FAM168A: variants seen among roughly 807,000 people sequenced by gnomAD.
FAM168A encodes the protein protein FAM168A.
A neutral mutation model predicts 28.5 loss-of-function variants in FAM168A; 3 were observed. The observed-to-expected ratio is 0.11, with a 90% confidence interval of 0.05 to 0.27. The LOEUF is 0.27. FAM168A is among the 10% of genes least tolerant of loss of function. The pLI, the probability that FAM168A is intolerant of heterozygous loss-of-function variation, is 1.00. For missense variants in FAM168A, 222 were observed against 311.5 expected (o/e 0.71, Z 2.16); for synonymous variants, 122 against 124.2 (o/e 0.98, Z 0.12).
chr11:73,518,508 C>T lies in FAM168A; in HGVS notation c.-18-50016G>A, dbSNP rs1943333426. Among the ~76,000 whole-genome samples, 3 of 151,616 alleles carry T rather than the reference C, an allele frequency of 2.0e-5. No individual in the cohort carries two copies. The South Asian group carries it at 6.2e-4, about 32-fold the overall frequency. ...GTGGGAGGTATGTAGGTCATGGAGG[C>T]AGATCCCTCATAAATAGATTAATGT... On this transcript the variant is annotated intron_variant, in intron 1 of 7. Coordinates refer to ENST00000356467, the MANE Select transcript of FAM168A (RefSeq NM_015159.3).
chr11:73,513,344 G>A (rs1190964715), intron 1 of FAM168A, among the ~76,000 whole-genome samples: 1 of 150,902 alleles, frequency 6.6e-6, no homozygotes, highest in Non-Finnish European at 1.5e-5. Context: ...CGAGTAGCTG[G>A]GACTACAGGC....
intron 1 of FAM168A, among the ~76,000 whole-genome samples, chr11:73,522,145 T>C (rs370882141): frequency 1.3e-5 from 2 of 152,004 alleles, no homozygotes; most frequent in East Asian, 3.8e-4. Context: ...AGCAATCAAC[T>C]TTTAAATTGA....
At chr11:73,514,607 G>T (rs1220021047) in intron 1 of FAM168A, among the ~76,000 whole-genome samples, 1 of 151,938 alleles carries the variant, frequency 6.6e-6, no homozygotes, top group Non-Finnish European at 1.5e-5. Context: ...CAAAGCAGGT[G>T]GATCACTTGA....
At chr11:73,550,096 G>C (rs1047324847) in intron 1 of FAM168A, among the ~76,000 whole-genome samples, 1 of 152,186 alleles carries the variant, frequency 6.6e-6, no homozygotes, top group South Asian at 2.1e-4. Flanking sequence ...CATATCCTCA[G>C]AATGCTCTTT....
chr11:73,422,236 G>A (rs543290760), intron 3 of FAM168A, among the ~76,000 whole-genome samples: 3 of 152,302 alleles, frequency 2.0e-5, no homozygotes, highest in East Asian at 1.9e-4. Flanking sequence ...AAGCAAGTGC[G>A]ACTGTGCCTT....
intron 1 of FAM168A, among the ~76,000 whole-genome samples, chr11:73,596,730 A>G (rs1443256737): frequency 6.6e-6 from 1 of 151,130 alleles, no homozygotes; most frequent in Non-Finnish European, 1.5e-5. Flanking sequence ...ATCCAACCCA[A>G]TTCCCCCCTG....
chr11:73,596,791 C>T (rs1362587032), intron 1 of FAM168A, among the ~76,000 whole-genome samples: 2 of 152,132 alleles, frequency 1.3e-5, no homozygotes, highest in African/African-American at 4.8e-5. Context: ...CCCATCCATA[C>T]CAACAGCTCC....
At chr11:73,571,243 C>CCCCCCCCCCCCCCCCCCCCCCT (rs1410610985) in intron 1 of FAM168A, among the ~76,000 whole-genome samples, 1 of 112,630 alleles carries the variant, frequency 8.9e-6, no homozygotes, top group Non-Finnish European at 1.8e-5. Flanking sequence ...CTCCCCCCCC[C>CCCCCCCCCCCCCCCCCCCCCCT]CTCCCCACAG....
chr11:73,431,209 G>A (rs1353013218), intron 2 of FAM168A, among the ~76,000 whole-genome samples: 1 of 152,096 alleles, frequency 6.6e-6, no homozygotes, highest in African/African-American at 2.4e-5. Flanking sequence ...AGGCGTGGTG[G>A]TGGGCGCCTG....
chr11:73,530,299 C>T (rs1943501249), intron 1 of FAM168A, among the ~76,000 whole-genome samples: 1 of 152,168 alleles, frequency 6.6e-6, no homozygotes, highest in African/African-American at 2.4e-5. Context: ...ACGAGACTAA[C>T]CTAGGCTGAC....
At chr11:73,442,298 T>C (rs537419277) in intron 2 of FAM168A, among the ~76,000 whole-genome samples, 2 of 152,060 alleles carry the variant, frequency 1.3e-5, no homozygotes, top group Admixed American at 6.5e-5. Flanking sequence ...GCTAATTTTT[T>C]GTATTTTTTA....
In FAM168A at chr11:73,511,679, C is replaced by T. The variant is rs183998887; in HGVS notation, c.-18-43187G>A. On this transcript the variant is annotated intron_variant, in intron 1 of 7. Transcript: ENST00000356467. The stretch of plus-strand genomic sequence containing the variant: ...AAAGAGTAAAAACACAGGTTTTGCA[C>T]CTCGTCAGAGTCAGGTTCAATCTAA... 5.6e-3 allele frequency among the ~76,000 whole-genome samples: 850 copies of T among 152,240 alleles called. 4 individuals are homozygous for T. The highest frequency in any genetic ancestry group is 0.014 in the Middle Eastern group (4 of 294).
chr11:73,555,368 A>G (rs1376858848), intron 1 of FAM168A, among the ~76,000 whole-genome samples: 2 of 152,226 alleles, frequency 1.3e-5, no homozygotes, highest in African/African-American at 4.8e-5. Flanking sequence ...CAGAAGAGGA[A>G]CACCCAATCC....
chr11:73,533,695 T>C (rs1469968694), intron 1 of FAM168A, among the ~76,000 whole-genome samples: 1 of 152,150 alleles, frequency 6.6e-6, no homozygotes, highest in African/African-American at 2.4e-5. Context: ...TACTGTAACA[T>C]AAAAAAGCAG....
At chr11:73,593,277 T>G (rs1485889590) in intron 1 of FAM168A, among the ~76,000 whole-genome samples, 1 of 152,192 alleles carries the variant, frequency 6.6e-6, no homozygotes, top group Admixed American at 6.5e-5. Flanking sequence ...GGGTAGCAAG[T>G]AGAAAAGCCT....
chr11:73,587,781 G>A (rs1944333235), intron 1 of FAM168A, among the ~76,000 whole-genome samples: 1 of 151,900 alleles, frequency 6.6e-6, no homozygotes, highest in Non-Finnish European at 1.5e-5. Flanking sequence ...ATGGAGTCTA[G>A]TTCTGTCGCC....
intron 4 of FAM168A, among the ~76,000 whole-genome samples, chr11:73,416,615 T>C (rs977919670): frequency 1.3e-5 from 2 of 152,166 alleles, no homozygotes; most frequent in African/African-American, 4.8e-5. Context: ...AGGAATCTTT[T>C]TGAGTATGGG....
chr11:73,515,929 C>G (rs990742717), intron 1 of FAM168A, among the ~76,000 whole-genome samples: 4 of 151,842 alleles, frequency 2.6e-5, no homozygotes, highest in Admixed American at 6.6e-5. Context: ...GGTGAAACCC[C>G]GTCTCTACGA....
chr11:73,462,480 G>A (rs1447117428), intron 2 of FAM168A, among the ~76,000 whole-genome samples: 2 of 152,210 alleles, frequency 1.3e-5, no homozygotes, highest in African/African-American at 4.8e-5. Flanking sequence ...AATGGATATT[G>A]AGTGTCAGTT....
Sources: gnomAD v4.1 joint callset for allele counts (sites outside exome capture counted in the v4.1 genomes callset) on GRCh38, gnomAD v4.1.1 for gene constraint, MANE v1.5 for transcripts, NCBI Gene and HGNC (gene_info 2026-07-23, HGNC 2026-07-21) for gene names.